The following TENM1 variants were observed in gnomAD, a reference collection of about 807,000 sequenced individuals.
TENM1 encodes the protein teneurin-1.
TENM1 carries 35 observed loss-of-function variants against 174.8 expected under a neutral mutation model. That is an observed-to-expected ratio of 0.20 (90% CI 0.15 to 0.27). TENM1 has a LOEUF of 0.27. TENM1 is among the 10% of genes least tolerant of loss of function. The probability of loss-of-function intolerance (pLI) is 1.00; values close to 1 mark genes in which losing one functional copy is unlikely to be tolerated. For synonymous variants in TENM1, 781 were observed against 798.7 expected (o/e 0.98, Z 0.37); for missense variants, 1,633 against 2,130.1 (o/e 0.77, Z 4.59).
At chrX:124,546,202 G>C (rs1027925183) in intron 15 of TENM1, among the ~76,000 whole-genome samples, 1 of 111,875 alleles carries the variant, frequency 8.9e-6, no homozygotes, top group Non-Finnish European at 1.9e-5. Context: ...ATATTGACTT[G>C]TGGAATGCAT....
intron 3 of TENM1, among the ~76,000 whole-genome samples, chrX:124,880,839 T>C (rs1310972653): frequency 1.8e-5 from 2 of 112,289 alleles, no homozygotes; most frequent in Admixed American, 9.4e-5. Flanking sequence ...TTATGTTTAT[T>C]GATTTGCATA....
In TENM1 at chrX:124,420,383, A is replaced by C. The variant is rs1233038157; in HGVS notation, c.4910T>G (p.Leu1637Ter). 1 of 1,211,830 alleles carries C rather than the reference A, an allele frequency of 8.3e-7. No homozygotes were observed. The highest frequency in any genetic ancestry group is 2.2e-5 in the Admixed American group (1 of 46,103). ...CCCTGTGTTTCCTGGATAGGTCATTAAGGCCAGATTATAGCCTTGGGCTGA... is the reference window on the plus strand; with the variant it reads ...CCCTGTGTTTCCTGGATAGGTCATTCAGGCCAGATTATAGCCTTGGGCTGA... Residue 1637 changes from leucine (L) to a stop codon, truncating the protein, a stop_gained, in exon 25 of 32, where the codon TTA (leucine) becomes TGA (stop). Coordinates refer to ENST00000422452, the Ensembl canonical transcript of TENM1. LOFTEE classifies it high-confidence loss of function.
At chrX:124,795,776 G>A (rs2055292036) in intron 3 of TENM1, among the ~76,000 whole-genome samples, 1 of 109,326 alleles carries the variant, frequency 9.1e-6, no homozygotes, top group Non-Finnish European at 1.9e-5. Flanking sequence ...TAACATTTTT[G>A]ACAGGCCAAA....
the TENM1 span, among the ~76,000 whole-genome samples, chrX:125,041,469 T>C: frequency 9.0e-6 from 1 of 111,401 alleles, no homozygotes; most frequent in Non-Finnish European, 1.9e-5. Context: ...ATTCATCTAT[T>C]TTCCTCATTG....
the TENM1 span, among the ~76,000 whole-genome samples, chrX:125,026,024 G>A: frequency 2.7e-5 from 3 of 110,181 alleles, no homozygotes; most frequent in Admixed American, 2.9e-4. Flanking sequence ...AATAACATCA[G>A]ACTAAATGTG....
At chrX:124,599,112 A>C (rs1023676933) in intron 11 of TENM1, among the ~76,000 whole-genome samples, 4 of 111,650 alleles carry the variant, frequency 3.6e-5, no homozygotes, top group Middle Eastern at 4.6e-3. Flanking sequence ...TCCACTGGGA[A>C]TCTTGAAACA....
intron 28 of TENM1, among the ~76,000 whole-genome samples, chrX:124,389,712 T>C (rs1209596964): frequency 9.0e-6 from 1 of 111,389 alleles, no homozygotes; most frequent in Non-Finnish European, 1.9e-5. Flanking sequence ...TAGCTAGCAT[T>C]TAAATTCTCT....
At chrX:124,874,985 T>C (rs1005985044) in intron 3 of TENM1, among the ~76,000 whole-genome samples, 3 of 111,576 alleles carry the variant, frequency 2.7e-5, no homozygotes, top group Non-Finnish European at 3.8e-5. Context: ...ATATTATGTT[T>C]TTCCCCATAT....
chrX:124,611,379 G>A (rs1400321705), intron 11 of TENM1, among the ~76,000 whole-genome samples: 1 of 111,779 alleles, frequency 8.9e-6, no homozygotes, highest in Non-Finnish European at 1.9e-5. Context: ...TGGGATCTTG[G>A]TGAACACTAA....
intron 11 of TENM1, among the ~76,000 whole-genome samples, chrX:124,605,420 G>T (rs1445667843): frequency 2.8e-5 from 3 of 108,777 alleles, no homozygotes; most frequent in Non-Finnish European, 3.8e-5. Flanking sequence ...ACCTTTTGTT[G>T]TATATGGAGT....
upstream of TENM1, among the ~76,000 whole-genome samples, chrX:124,966,400 C>A (rs763199992): frequency 8.9e-6 from 1 of 111,843 alleles, no homozygotes; most frequent in African/African-American, 3.3e-5. Flanking sequence ...CAAAAACTCA[C>A]GCCTGTAATC....
chrX:124,487,642 T>C (rs1410623387), intron 20 of TENM1, among the ~76,000 whole-genome samples: 1 of 111,499 alleles, frequency 9.0e-6, no homozygotes, highest in East Asian at 2.8e-4. Flanking sequence ...GCAATTCTGA[T>C]GCAAAATAAA....
intron 1 of TENM1, among the ~76,000 whole-genome samples, chrX:124,933,642 AAATT>A (rs2058205071): frequency 8.9e-6 from 1 of 112,459 alleles, no homozygotes; most frequent in African/African-American, 3.2e-5. Context: ...TGCATAAAAC[AAATT>A]AATTTCAAAA....
chrX:124,607,984 G>C, intron 11 of TENM1, among the ~76,000 whole-genome samples: 1 of 111,087 alleles, frequency 9.0e-6, no homozygotes, highest in South Asian at 3.8e-4. Flanking sequence ...TGAGTAACTA[G>C]AAGAACAAAG....
At chrX:124,731,405 G>T (rs967391211) in intron 4 of TENM1, among the ~76,000 whole-genome samples, 2 of 111,668 alleles carry the variant, frequency 1.8e-5, no homozygotes, top group Admixed American at 9.5e-5. Flanking sequence ...AAGGCATTTG[G>T]CTGTTCTATA....
At chrX:125,112,845 T>C in the TENM1 span, among the ~76,000 whole-genome samples, 1 of 111,372 alleles carries the variant, frequency 9.0e-6, no homozygotes, top group African/African-American at 3.3e-5. Flanking sequence ...CGTTTATAAA[T>C]TGGAAGGCTC....
rs754019313 is a variant in TENM1 at position 124,737,208 on chromosome X, G to A, written c.536-11C>T. ...GGCTGCTCTGCACATCTAAAGAGGA[G>A]AGAAGAGAAACATAAAATAGAGACT... On this transcript the variant is annotated splice_polypyrimidine_tract_variant and intron_variant, in intron 3 of 31. Coordinates refer to ENST00000422452, the Ensembl canonical transcript of TENM1. 5 of 1,181,109 alleles carry A rather than the reference G, an allele frequency of 4.2e-6. No homozygotes were observed. Among genetic ancestry groups the A allele is most frequent in the Non-Finnish European group, 4.5e-6 (4 of 881,586 alleles).
At chrX:124,597,842 C>T (rs2049936978) in intron 11 of TENM1, among the ~76,000 whole-genome samples, 1 of 110,820 alleles carries the variant, frequency 9.0e-6, no homozygotes, top group African/African-American at 3.3e-5. Context: ...TGAATAATAC[C>T]CCACAAGCAT....
intron 11 of TENM1, among the ~76,000 whole-genome samples, chrX:124,597,397 A>T (rs928023262): frequency 8.9e-6 from 1 of 112,145 alleles, no homozygotes; most frequent in Non-Finnish European, 1.9e-5. Context: ...GGTGGAGACC[A>T]TTATTCTAAG....
Sources: gnomAD v4.1 joint callset for allele counts (sites outside exome capture counted in the v4.1 genomes callset) on GRCh38, gnomAD v4.1.1 for gene constraint, MANE v1.5 for transcripts, NCBI Gene and HGNC (gene_info 2026-07-23, HGNC 2026-07-21) for gene names.